The following CAPN7 variants were observed in gnomAD, a reference collection of about 807,000 sequenced individuals.
CAPN7 encodes the protein calpain 7, also known as calpain-7.
CAPN7 carries 72 observed loss-of-function variants against 115.2 expected under a neutral mutation model. That is an observed-to-expected ratio of 0.63 (90% CI 0.52 to 0.76). The LOEUF is 0.76. CAPN7 is among the 30% of genes least tolerant of loss of function. CAPN7 has a pLI of 0.00. For synonymous variants in CAPN7, 344 were observed against 322.3 expected (o/e 1.07, Z -0.72); for missense variants, 905 against 971.5 (o/e 0.93, Z 0.91).
chr3:15,220,045 AC>A (rs1413164588), intron 4 of CAPN7, among the ~76,000 whole-genome samples: 1 of 152,142 alleles, frequency 6.6e-6, no homozygotes, highest in Non-Finnish European at 1.5e-5. Context: ...TACTAAAAAT[AC>A]AAAAATTAGC....
At chr3:15,218,984 A>T (rs796644730) in intron 4 of CAPN7, among the ~76,000 whole-genome samples, 11 of 152,272 alleles carry the variant, frequency 7.2e-5, no homozygotes, top group African/African-American at 2.4e-4. Flanking sequence ...TGCCCTAACC[A>T]TTGTTTAAAA....
At chr3:15,242,154 A>G in intron 15 of CAPN7, 24 bp from the exon 16 acceptor site, 2 of 1,525,838 alleles carry the variant, frequency 1.3e-6, no homozygotes, top group Non-Finnish European at 1.8e-6. Context: ...TTTTCTAACC[A>G]CATTGGATTC....
rs765997667 is a variant in CAPN7, at chr3:15,220,986, A to AT, written c.638+6dup. The AT allele has an allele frequency of 5.0e-6, 8 of 1,608,522 alleles. No individual in the cohort carries two copies. Among genetic ancestry groups the AT allele is most frequent in the Non-Finnish European group, 6.0e-6 (7 of 1,175,164 alleles). On this transcript the variant is annotated splice_donor_region_variant and intron_variant, in intron 5 of 20. Transcript: ENST00000253693. The stretch of plus-strand genomic sequence containing the variant: ...AGAAGAAATAGAAGTACTCAGGTAA[A>AT]TAAGTTTACAATTAATTGTAATGAA...
At chr3:15,210,683 C>T (rs78315066) in intron 1 of CAPN7, 30 of 675,520 alleles carry the variant, frequency 4.4e-5, no homozygotes, top group Non-Finnish European at 6.3e-5. Context: ...CAGCCTCCAC[C>T]TCCCAGGGCT....
intron 10 of CAPN7, among the ~76,000 whole-genome samples, chr3:15,232,906 T>C (rs1694776672): frequency 6.6e-6 from 1 of 152,218 alleles, no homozygotes; most frequent in Non-Finnish European, 1.5e-5. Flanking sequence ...ACAGTGTACA[T>C]TTCCAGAGCA....
intron 18 of CAPN7, chr3:15,247,108 T>C: frequency 1.8e-6 from 1 of 565,472 alleles, no homozygotes; most frequent in Non-Finnish European, 3.1e-6. Context: ...GGAAAATTCC[T>C]GGTAGAAAGA....
At chr3:15,228,283 AATT>A (rs1458933970) in intron 7 of CAPN7, among the ~76,000 whole-genome samples, 1 of 152,222 alleles carries the variant, frequency 6.6e-6, no homozygotes, top group African/African-American at 2.4e-5. Flanking sequence ...TTATTTGAGT[AATT>A]ATTCAAAATC....
chr3:15,220,872 T>A lies in CAPN7; in HGVS notation c.529T>A (p.Phe177Ile). ...AAAGCCACCTCCAGTGAGAGCACAT[T>A]TTCCACTGGGCGCTAATCCCTTCCT... is the stretch of plus-strand genomic sequence containing the variant. The part of the protein sequence containing the change: ...KPKPPPVRAH[F>I]PLGANPFLER... The change falls in exon 5 of 21, where the codon TTT becomes ATT. Residue 177 changes from phenylalanine to isoleucine, a missense_variant. Physicochemically the swap from Phe to Ile is conservative, Grantham distance 21. Coordinates refer to ENST00000253693, the MANE Select transcript of CAPN7 (RefSeq NM_014296.3). The A allele has an allele frequency of 1.9e-6, 3 of 1,614,184 alleles. No homozygotes were observed. Among genetic ancestry groups the A allele is most frequent in the Non-Finnish European group, 1.7e-6 (2 of 1,179,994 alleles).
In CAPN7 at chr3:15,251,166, A is replaced by G. The variant is rs373259698; in HGVS notation, c.2348A>G (p.Asn783Ser). ...ELENIPSGIF[N>S]IIPSTFLPKQ... The stretch of plus-strand genomic sequence containing the variant: ...GAAAATATACCTTCTGGGATCTTCA[A>G]TATCATTCCTAGTACCTTTTTGCCT... The change falls in exon 21 of 21, where the codon AAT becomes AGT. Residue 783 changes from asparagine to serine, a missense_variant. Transcript: ENST00000253693. The G allele has an allele frequency of 8.4e-5, 135 of 1,608,084 alleles. No homozygotes were observed. The highest frequency in any genetic ancestry group is 1.6e-4 in the Middle Eastern group (1 of 6,070).
intron 2 of CAPN7, among the ~76,000 whole-genome samples, chr3:15,216,636 C>G (rs1209413883): frequency 6.6e-6 from 1 of 151,958 alleles, no homozygotes; most frequent in Non-Finnish European, 1.5e-5. Context: ...AAAGCAGGAA[C>G]TTTATCATCA....
intron 1 of CAPN7, among the ~76,000 whole-genome samples, chr3:15,208,129 A>G (rs898839811): frequency 3.3e-5 from 5 of 151,688 alleles, no homozygotes; most frequent in African/African-American, 1.2e-4. Flanking sequence ...GACCACTATC[A>G]TATATTCAGT....
intron 6 of CAPN7, among the ~76,000 whole-genome samples, chr3:15,225,590 C>T (rs897943275): frequency 6.6e-6 from 1 of 152,158 alleles, no homozygotes; most frequent in African/African-American, 2.4e-5. Context: ...GCCATGCAGA[C>T]TCCCTTAATT....
At position 15,241,440 on chromosome 3, in the gene CAPN7, C is replaced by CT. The variant is rs1236271782; in HGVS notation, c.1653-10dup. On this transcript the variant is annotated splice_polypyrimidine_tract_variant and intron_variant, in intron 14 of 20. Transcript: ENST00000253693. ...ATTTAATTACAACCTTCTTTGTTGA[C>CT]TTTATCTTTTAGTACTTGGGATGCT... 1.9e-6 allele frequency: 3 copies of CT among 1,610,302 alleles called. No individual in the cohort carries two copies. Among genetic ancestry groups the CT allele is most frequent in the Non-Finnish European group, 2.5e-6 (3 of 1,177,994 alleles).
At chr3:15,250,110 A>C (rs1695916202) in intron 19 of CAPN7, among the ~76,000 whole-genome samples, 1 of 149,758 alleles carries the variant, frequency 6.7e-6, no homozygotes, top group Non-Finnish European at 1.5e-5. Flanking sequence ...TGGTGGCTCA[A>C]GGCTGTAATC....
At chr3:15,244,057 TAA>T (rs1695513340) in intron 16 of CAPN7, among the ~76,000 whole-genome samples, 2 of 152,210 alleles carry the variant, frequency 1.3e-5, no homozygotes, top group South Asian at 4.1e-4. Context: ...GGATTGGTTT[TAA>T]AAGAGACTAT....
chr3:15,240,854 G>C lies in CAPN7; in HGVS notation c.1652+1G>C. 2.5e-6 allele frequency: 4 copies of C among 1,574,892 alleles called. No individual in the cohort carries two copies. Among genetic ancestry groups the C allele is most frequent in the Non-Finnish European group, 3.5e-6 (4 of 1,145,966 alleles). On this transcript the variant is annotated splice_donor_variant, in intron 14 of 20. Transcript: ENST00000253693. LOFTEE classifies it high-confidence loss of function. ...TTAAAGAATCAACATGTATTCACAG[G>C]TAACTTTTTGCACATTGCAGAGTAT...
Position 15,210,596 on chromosome 3 carries a change from C to CTTTTTTTTTTTTTTTTTT in CAPN7, c.103-1491_103-1490insTTTTTTTTTTTTTTTTTT, listed in dbSNP as rs371169868. 2.6e-4 allele frequency among the ~76,000 whole-genome samples: 27 copies of CTTTTTTTTTTTTTTTTTT among 104,418 alleles called. 4 individuals are homozygous for CTTTTTTTTTTTTTTTTTT. Among genetic ancestry groups the CTTTTTTTTTTTTTTTTTT allele is most frequent in the African/African-American group, 1.1e-3 (18 of 16,474 alleles). 68.5% of individuals were successfully genotyped at this position (104,418 alleles called of 152,430 possible). A position where few individuals can be genotyped will look rare whatever the true frequency, so the allele number is the denominator to read the frequency against. The stretch of plus-strand genomic sequence containing the variant: ...TTTTCATTCCTTCCTTGCTTCCTTC[C>CTTTTTTTTTTTTTTTTTT]TTTTTTTTTTTTTTTTTGGACAGTA... On this transcript the variant is annotated intron_variant, in intron 1 of 20. Transcript: ENST00000253693.
At chr3:15,248,064 T>C (rs1205473210) in intron 19 of CAPN7, among the ~76,000 whole-genome samples, 4 of 151,916 alleles carry the variant, frequency 2.6e-5, no homozygotes, top group Non-Finnish European at 5.9e-5. Context: ...CTGGGAGATA[T>C]ACCTAATGCT....
At chr3:15,249,006 C>CAAAAAAAAAAAAAAAAAAAAAAAAAAAAA (rs1460568964) in intron 19 of CAPN7, among the ~76,000 whole-genome samples, 2 of 50,748 alleles carry the variant, frequency 3.9e-5, no homozygotes, top group African/African-American at 9.6e-5. Flanking sequence ...ATACAACAAC[C>CAAAAAAAAAAAAAAAAAAAAAAAAAAAAA]AAAAAAAAAA....
Sources: gnomAD v4.1 joint callset for allele counts (sites outside exome capture counted in the v4.1 genomes callset) on GRCh38, gnomAD v4.1.1 for gene constraint, MANE v1.5 for transcripts, NCBI Gene and HGNC (gene_info 2026-07-23, HGNC 2026-07-21) for gene names.